Variants in IQCH observed in about 807,000 individuals in gnomAD.
IQCH encodes the protein IQ domain-containing protein H.
In IQCH, 98 loss-of-function variants were observed where a neutral mutation model predicts 117.0. The ratio of observed to expected loss-of-function variants is 0.84; its 90% confidence interval spans 0.71 to 0.99. The LOEUF is 0.99. IQCH is among the 50% of genes least tolerant of loss of function. The pLI, the probability that IQCH is intolerant of heterozygous loss-of-function variation, is 0.00. For missense variants in IQCH, 1,102 were observed against 1,243.8 expected (o/e 0.89, Z 1.72); for synonymous variants, 412 against 448.2 (o/e 0.92, Z 1.02).
chr15:67,306,363 TA>T (rs1422506435), intron 4 of IQCH, among the ~76,000 whole-genome samples: 3 of 152,110 alleles, frequency 2.0e-5, no homozygotes, highest in African/African-American at 7.2e-5. Flanking sequence ...TATAGTTAAT[TA>T]GAAAGGCATC....
At chr15:67,477,290 G>A (rs1179354564) in intron 18 of IQCH, among the ~76,000 whole-genome samples, 4 of 151,710 alleles carry the variant, frequency 2.6e-5, no homozygotes, top group East Asian at 3.9e-4. Flanking sequence ...CTCATGATCC[G>A]CCCGCCTCGG....
chr15:67,273,080 T>C (rs562169078), intron 3 of IQCH, among the ~76,000 whole-genome samples: 1 of 152,114 alleles, frequency 6.6e-6, no homozygotes, highest in Middle Eastern at 3.2e-3. Flanking sequence ...TTAATTAATT[T>C]ATTTTTTGGA....
At chr15:67,434,997 TAA>T (rs1567185556) in intron 16 of IQCH, among the ~76,000 whole-genome samples, 1 of 134,310 alleles carries the variant, frequency 7.4e-6, no homozygotes, top group Non-Finnish European at 1.6e-5. Flanking sequence ...GTTTTTTTTT[TAA>T]TTTTTTTTAA....
intron 5 of IQCH, among the ~76,000 whole-genome samples, chr15:67,343,594 A>G (rs1969262968): frequency 1.3e-5 from 2 of 152,230 alleles, no homozygotes; most frequent in African/African-American, 4.8e-5. Flanking sequence ...ATGTCTAAAA[A>G]TAACTCCTTA....
chr15:67,455,443 C>T (rs1273576157), intron 16 of IQCH, among the ~76,000 whole-genome samples: 1 of 152,180 alleles, frequency 6.6e-6, no homozygotes, highest in African/African-American at 2.4e-5. Context: ...ATAGCTCAGA[C>T]AGTCCATATT....
At chr15:67,444,432 A>G (rs2082348335) in intron 16 of IQCH, among the ~76,000 whole-genome samples, 1 of 152,222 alleles carries the variant, frequency 6.6e-6, no homozygotes, top group African/African-American at 2.4e-5. Context: ...TCAGTTTTCC[A>G]AACCACTTTC....
intron 6 of IQCH, among the ~76,000 whole-genome samples, chr15:67,345,536 G>A (rs1969349551): frequency 1.3e-5 from 2 of 152,110 alleles, no homozygotes; most frequent in Non-Finnish European, 2.9e-5. Flanking sequence ...CGATGAGGAA[G>A]GACTTCACCT....
rs1280760552 is a variant in IQCH, at chr15:67,457,262, C to T, written c.2506-7865C>T. Among the ~76,000 whole-genome samples the T allele has an allele frequency of 6.6e-6, 1 of 152,202 alleles. No homozygotes were observed. The highest frequency in any genetic ancestry group is 2.4e-5 in the African/African-American group (1 of 41,438). Reference sequence around the variant, plus strand: ...GTATTTTACTAATTGAAAATTCTTACAGTGGGGTGTACCAACTCCTTTAAA... The same window carrying T: ...GTATTTTACTAATTGAAAATTCTTATAGTGGGGTGTACCAACTCCTTTAAA... On this transcript the variant is annotated intron_variant, in intron 16 of 20. Transcript: ENST00000335894. This position sits in a 1 kb window ranked among gnomAD's most constrained non-coding sequence, Gnocchi z 5.7.
intron 4 of IQCH, among the ~76,000 whole-genome samples, chr15:67,335,111 T>G (rs1197245865): frequency 6.6e-6 from 1 of 152,124 alleles, no homozygotes; most frequent in East Asian, 1.9e-4. Context: ...TCACTGCCTT[T>G]TCAGCATAGT....
intron 4 of IQCH, among the ~76,000 whole-genome samples, chr15:67,311,020 A>G (rs952141903): frequency 6.6e-6 from 1 of 152,126 alleles, no homozygotes; most frequent in African/African-American, 2.4e-5. Context: ...TATGTACACT[A>G]TCTTATTTAA....
chr15:67,400,227 C>T lies in IQCH; in HGVS notation c.2019C>T (p.Ser673=), dbSNP rs755552731. The part of the protein sequence containing the change: ...GNGTAFCDIP[S]YLKCYKWVLK... The stretch of plus-strand genomic sequence containing the variant: ...GGACTGCATTTTGTGATATTCCTTC[C>T]TACCTAAAGTGCTACAAATGGGTGC... Residue 673 remains serine (S), a synonymous_variant, in exon 14 of 21, where the codon TCC becomes TCT. Transcript: ENST00000335894. 1 of 1,613,594 alleles carries T rather than the reference C, an allele frequency of 6.2e-7. No homozygotes were observed. The highest frequency in any genetic ancestry group is 8.5e-7 in the Non-Finnish European group (1 of 1,179,606).
chr15:67,386,191 C>T lies in IQCH; in HGVS notation c.1456+1172C>T, dbSNP rs1971102842. Among the ~76,000 whole-genome samples, 1 of 152,148 alleles carries T rather than the reference C, an allele frequency of 6.6e-6. No homozygotes were observed. The highest frequency in any genetic ancestry group is 2.4e-5 in the African/African-American group (1 of 41,466). On this transcript the variant is annotated intron_variant, in intron 11 of 20. Coordinates refer to ENST00000335894, the MANE Select transcript of IQCH (RefSeq NM_001031715.3). This position sits in a 1 kb window ranked among gnomAD's most constrained non-coding sequence, Gnocchi z 5.0. ...AGTGCAGCAGAGGGCAGACTTTCCT[C>T]TAATTTATTTGAATTAATTTTTTTC... is the stretch of plus-strand genomic sequence containing the variant.
chr15:67,303,831 C>G (rs549876284), intron 4 of IQCH, among the ~76,000 whole-genome samples: 4 of 152,272 alleles, frequency 2.6e-5, no homozygotes, highest in South Asian at 4.1e-4. Context: ...ATAAATTATT[C>G]TTACAGATAA....
intron 4 of IQCH, among the ~76,000 whole-genome samples, chr15:67,286,940 A>G (rs2140492327): frequency 6.6e-6 from 1 of 152,252 alleles, no homozygotes; most frequent in South Asian, 2.1e-4. Context: ...ATGTTGAAAT[A>G]TGTTCCTTCT....
chr15:67,357,145 C>CAACA (rs1969921346), intron 6 of IQCH, among the ~76,000 whole-genome samples, 200 bp from the exon 7 acceptor site: 1 of 152,226 alleles, frequency 6.6e-6, no homozygotes. Context: ...TCTAATAGAA[C>CAACA]TGTTGCCCTC....
Position 67,475,836 on chromosome 15 carries a change from T to A in IQCH, c.2799+18T>A. On this transcript the variant is annotated intron_variant, in intron 18 of 20. Transcript: ENST00000335894. The surrounding 1 kb of genome is among the most constrained non-coding windows in gnomAD (Gnocchi z 5.7). ...ATGTTGAGGTATGAAGGGTTACAGT[T>A]GGCCAGGGGCGGCCAAAGACATGCC... The A allele has an allele frequency of 6.2e-7, 1 of 1,612,288 alleles. No individual in the cohort carries two copies. Among genetic ancestry groups the A allele is most frequent in the Non-Finnish European group, 8.5e-7 (1 of 1,178,960 alleles).
intron 4 of IQCH, among the ~76,000 whole-genome samples, chr15:67,311,748 G>A (rs943784224): frequency 1.3e-5 from 2 of 151,806 alleles, no homozygotes; most frequent in African/African-American, 4.8e-5. Flanking sequence ...TCTATTTAAG[G>A]TTGCATTTGA....
chr15:67,468,258 A>T (rs1457542494), intron 17 of IQCH, among the ~76,000 whole-genome samples: 1 of 152,186 alleles, frequency 6.6e-6, no homozygotes, highest in Non-Finnish European at 1.5e-5. Flanking sequence ...TCTTAACACA[A>T]CCCAAGTCAT....
rs551456890 is a variant in IQCH at position 67,395,949 on chromosome 15, C to T, written c.1905+386C>T. Among the ~76,000 whole-genome samples, 14 of 152,088 alleles carry T rather than the reference C, an allele frequency of 9.2e-5. No individual in the cohort carries two copies. The highest frequency in any genetic ancestry group is 4.6e-4 in the Admixed American group (7 of 15,252). On this transcript the variant is annotated intron_variant, in intron 13 of 20. Coordinates refer to ENST00000335894, the MANE Select transcript of IQCH (RefSeq NM_001031715.3). This position sits in a 1 kb window ranked among gnomAD's most constrained non-coding sequence, Gnocchi z 4.0. ...CCTCCCAAAGTGCTGGGATTACCAG[C>T]GTGAGCCACTACGCCCAGCCTGAGG... is the stretch of plus-strand genomic sequence containing the variant.
Sources: allele counts gnomAD v4.1 joint callset (sites outside exome capture counted in the v4.1 genomes callset), GRCh38; gene constraint gnomAD v4.1.1; non-coding constraint Gnocchi (gnomAD v3.1); transcripts MANE v1.5; gene names NCBI Gene and HGNC (gene_info 2026-07-23, HGNC 2026-07-21).